SPAG9: variants seen among roughly 807,000 people sequenced by gnomAD.
The protein encoded by SPAG9 is C-Jun-amino-terminal kinase-interacting protein 4.
SPAG9 carries 35 observed loss-of-function variants against 166.5 expected under a neutral mutation model. The ratio of observed to expected loss-of-function variants is 0.21; its 90% CI spans 0.16 to 0.28. The LOEUF is 0.28. Ranked by LOEUF, SPAG9 falls within the 10% of genes least tolerant of loss-of-function variation. The pLI is 1.00. For missense variants in SPAG9, 1,235 were observed against 1,603.3 expected (o/e 0.77, Z 3.92); for synonymous variants, 534 against 565.5 (o/e 0.94, Z 0.79).
intron 1 of SPAG9, among the ~76,000 whole-genome samples, chr17:51,090,724 A>G (rs1211451311): frequency 6.6e-6 from 1 of 152,172 alleles, no homozygotes; most frequent in Non-Finnish European, 1.5e-5. Flanking sequence ...CAGTCACCTA[A>G]TTGAGGTTAA....
intron 5 of SPAG9, among the ~76,000 whole-genome samples, chr17:51,032,752 A>G (rs1362552113): frequency 6.6e-6 from 1 of 152,008 alleles, no homozygotes; most frequent in Non-Finnish European, 1.5e-5. Context: ...CCTGACCAAC[A>G]TGGAGAAACT....
At chr17:51,043,074 G>A (rs937857072) in intron 4 of SPAG9, among the ~76,000 whole-genome samples, 14 of 152,140 alleles carry the variant, frequency 9.2e-5, no homozygotes, top group African/African-American at 3.4e-4. Context: ...ATTTGTAGTA[G>A]AGACAAGGTT....
intron 29 of SPAG9, among the ~76,000 whole-genome samples, chr17:50,968,894 AG>A (rs1160504472): frequency 6.6e-6 from 1 of 151,934 alleles, no homozygotes; most frequent in East Asian, 1.9e-4. Context: ...CTTTAAATGG[AG>A]TATGAATTCA....
chr17:51,009,285 C>A, intron 9 of SPAG9: 2 of 333,708 alleles, frequency 6.0e-6, no homozygotes, highest in Non-Finnish European at 5.8e-6. Flanking sequence ...TAACTAAACA[C>A]AATGAAGTGT....
chr17:51,044,669 AAGAAAC>A (rs946894800), intron 4 of SPAG9, among the ~76,000 whole-genome samples: 1 of 152,176 alleles, frequency 6.6e-6, no homozygotes, highest in Non-Finnish European at 1.5e-5. Flanking sequence ...AATCCTTATC[AAGAAAC>A]AGGGATTATT....
In SPAG9 at chr17:51,046,597, A is replaced by G. The variant is rs1349699217; in HGVS notation, c.590+778T>C. The G allele has an allele frequency of 2.0e-6, 3 of 1,536,168 alleles. No individual in the cohort carries two copies. In the Admixed American group the frequency reaches 5.9e-5, roughly 30 times the overall value. ...ACAGAGAGAGATACTAAGATAGCAG[A>G]ATTAATGACCACCGCCCCGCCAACA... On this transcript the variant is annotated intron_variant, in intron 4 of 29. Transcript: ENST00000262013.
intron 6 of SPAG9, among the ~76,000 whole-genome samples, chr17:51,028,167 T>C (rs2046259952): frequency 6.6e-6 from 1 of 152,014 alleles, no homozygotes; most frequent in Non-Finnish European, 1.5e-5. Flanking sequence ...TGTTTTAAGC[T>C]AAACATTATT....
chr17:51,004,969 G>A (rs11657251), intron 12 of SPAG9, among the ~76,000 whole-genome samples: 10,447 of 152,160 alleles, frequency 0.069, 392 homozygotes, highest in Non-Finnish European at 0.089. Context: ...CCTCAAACTT[G>A]AACATGCAAC....
chr17:51,067,618 T>C (rs538028004), intron 2 of SPAG9, among the ~76,000 whole-genome samples: 2 of 152,046 alleles, frequency 1.3e-5, no homozygotes, highest in South Asian at 2.1e-4. Context: ...CAAGCCGAGA[T>C]TAACTGGAAA....
chr17:50,994,828 T>C (rs960499299), intron 18 of SPAG9, among the ~76,000 whole-genome samples: 3 of 150,856 alleles, frequency 2.0e-5, no homozygotes, highest in Non-Finnish European at 2.9e-5. Flanking sequence ...AGTGATTACA[T>C]ACGTGTACAC....
intron 26 of SPAG9, 114 bp from the exon 27 acceptor site, chr17:50,977,335 T>C (rs921819191): frequency 5.8e-6 from 4 of 686,746 alleles, no homozygotes; most frequent in African/African-American, 3.6e-5. Flanking sequence ...AAGAAAGTAG[T>C]AGTAGCAGGA....
intron 2 of SPAG9, among the ~76,000 whole-genome samples, chr17:51,076,482 T>C (rs892993403): frequency 2.6e-5 from 4 of 151,658 alleles, no homozygotes; most frequent in Admixed American, 2.6e-4. Context: ...ACACCTGTAA[T>C]CCCAGTACTT....
intron 4 of SPAG9, among the ~76,000 whole-genome samples, chr17:51,043,845 T>C (rs1457515261): frequency 1.3e-5 from 2 of 152,154 alleles, no homozygotes; most frequent in African/African-American, 2.4e-5. Context: ...ATAACAAATA[T>C]TGAAAAAGTT....
intron 6 of SPAG9, among the ~76,000 whole-genome samples, chr17:51,026,051 G>A (rs572540536): frequency 6.6e-6 from 1 of 152,204 alleles, no homozygotes; most frequent in South Asian, 2.1e-4. Flanking sequence ...TTGAAACTAT[G>A]TCAAAAATAA....
At chr17:51,113,694 CA>C (rs2049195372) in intron 1 of SPAG9, among the ~76,000 whole-genome samples, 2 of 139,562 alleles carry the variant, frequency 1.4e-5, no homozygotes, top group African/African-American at 5.3e-5. Context: ...AAAAAAAAAA[CA>C]ACAACAACAA....
At chr17:51,078,209 G>A (rs565583187) in intron 2 of SPAG9, among the ~76,000 whole-genome samples, 4 of 152,106 alleles carry the variant, frequency 2.6e-5, no homozygotes, top group Admixed American at 6.6e-5. Context: ...CATGACACAC[G>A]GCTCATTTTC....
chr17:51,056,967 C>G (rs1384259374), intron 2 of SPAG9, among the ~76,000 whole-genome samples: 1 of 151,772 alleles, frequency 6.6e-6, no homozygotes, highest in Non-Finnish European at 1.5e-5. Context: ...GTGAGTGGCA[C>G]TGACTTGAGG....
intron 1 of SPAG9, 66 bp from the exon 2 acceptor site, chr17:51,079,770 T>C: frequency 9.0e-7 from 1 of 1,107,084 alleles, no homozygotes; most frequent in Non-Finnish European, 1.3e-6. Flanking sequence ...ACTCCTGTTA[T>C]TTCTTGGAAT....
rs1975118046 is a variant in SPAG9, at chr17:50,987,249, G to A, written c.2814-12C>T. On this transcript the variant is annotated splice_polypyrimidine_tract_variant and intron_variant, in intron 21 of 29. Coordinates refer to ENST00000262013, the MANE Select transcript of SPAG9 (RefSeq NM_001130528.3). ...CATCTGAGTCATTGCTGGAAAGGGA[G>A]GGCAAAAGGAAAGAAATCTGAGTAT... is the stretch of plus-strand genomic sequence containing the variant. 1.3e-6 allele frequency: 2 copies of A among 1,597,168 alleles called. No homozygotes were observed. Among genetic ancestry groups the A allele is most frequent in the African/African-American group, 1.4e-5 (1 of 73,700 alleles).
Sources: allele counts gnomAD v4.1 joint callset (sites outside exome capture counted in the v4.1 genomes callset), GRCh38; gene constraint gnomAD v4.1.1; transcripts MANE v1.5; gene names NCBI Gene and HGNC (gene_info 2026-07-23, HGNC 2026-07-21).